MYO5C: variants seen among roughly 807,000 people sequenced by gnomAD.
The protein encoded by MYO5C is unconventional myosin-Vc.
In MYO5C, 194 loss-of-function variants were observed where a neutral mutation model predicts 235.7. The ratio of observed to expected loss-of-function variants is 0.82; its 90% CI spans 0.73 to 0.93. The LOEUF is 0.93. Ranked by LOEUF, MYO5C falls within the 40% of genes least tolerant of loss-of-function variation. The probability of loss-of-function intolerance (pLI) is 0.00; values close to 1 mark genes in which losing one functional copy is unlikely to be tolerated. For synonymous variants in MYO5C, 707 were observed against 754.8 expected (o/e 0.94, Z 1.04); for missense variants, 2,038 against 2,127.2 (o/e 0.96, Z 0.82).
intron 35 of MYO5C, among the ~76,000 whole-genome samples, chr15:52,209,257 G>A (rs2035390374): frequency 1.3e-5 from 2 of 152,116 alleles, no homozygotes; most frequent in African/African-American, 4.8e-5. Flanking sequence ...TCAAGGAGAT[G>A]GTGCTAATGC....
chr15:52,279,611 C>T lies in MYO5C; in HGVS notation c.202G>A (p.Gly68Ser), dbSNP rs971747708. 29 of 1,613,788 alleles carry T rather than the reference C, an allele frequency of 1.8e-5. No homozygotes were observed. The highest frequency in any genetic ancestry group is 2.5e-5 in the Non-Finnish European group (29 of 1,179,820). The change falls in exon 3 of 41, where the codon GGC (glycine) becomes AGC (serine). Residue 68 changes from glycine to serine, a missense_variant. By Grantham distance (56) the Gly-to-Ser change is moderately conservative. Transcript: ENST00000261839. Reference protein sequence around the residue: ...PPLRNPDILVGENDLTALSYL... With the variant: ...PPLRNPDILVSENDLTALSYL... ...CTGAGAGCCGTGAGGTCATTCTCGC[C>T]CACGAGGATGTCAGGATTCCGAAGT...
At chr15:52,232,232 A>AG (rs67799764) in intron 24 of MYO5C, among the ~76,000 whole-genome samples, 7,676 of 17,242 alleles carry the variant, frequency 0.45, 2,508 homozygotes, top group Non-Finnish European at 0.7. Context: ...GAAAGAAAGA[A>AG]GAAAGAAAGA....
At chr15:52,196,576 C>A in intron 38 of MYO5C, 93 bp from the exon 39 acceptor site, 1 of 1,197,078 alleles carries the variant, frequency 8.4e-7, no homozygotes, top group South Asian at 1.5e-5. Context: ...TCGCTGAGAT[C>A]CTTAAGACCA....
chr15:52,260,896 G>T lies in MYO5C; in HGVS notation c.1279C>A (p.Gln427Lys). ...INQALQFSGK[Q>K]HTFIGVLDIY... ...TCCAAAACACCAATAAAAGTGTGCT[G>T]CTTGCCTGAAAACTGCAACGCTTGG... The change falls in exon 10 of 41, where the codon CAG becomes AAG. Residue 427 changes from glutamine (Q) to lysine (K), a missense_variant. Transcript: ENST00000261839. The T allele has an allele frequency of 6.2e-7, 1 of 1,614,206 alleles. No homozygotes were observed. The highest frequency in any genetic ancestry group is 1.6e-4 in the Middle Eastern group (1 of 6,062).
At chr15:52,263,460 G>A (rs1467474278) in intron 9 of MYO5C, among the ~76,000 whole-genome samples, 1 of 152,124 alleles carries the variant, frequency 6.6e-6, no homozygotes, top group Non-Finnish European at 1.5e-5. Flanking sequence ...TCTGATTCAA[G>A]CAGGTGTAAG....
chr15:52,211,772 G>A lies in MYO5C; in HGVS notation c.4254C>T (p.Ser1418=). 2 of 1,614,148 alleles carry A rather than the reference G, an allele frequency of 1.2e-6. No homozygotes were observed. Among genetic ancestry groups the A allele is most frequent in the East Asian group, 4.5e-5 (2 of 44,890 alleles). ...TGCCATTAATGGTGCTGTTCATGAG[G>A]GACTTCAGCATGTTGGCATCATTCA... ...DSLNDANMLK[S]LMNSTINGIK... Residue 1418 remains serine, a synonymous_variant, in exon 35 of 41, where the codon TCC becomes TCT. Coordinates refer to ENST00000261839, the MANE Select transcript of MYO5C (RefSeq NM_018728.4).
chr15:52,233,488 T>C (rs1022635046), intron 23 of MYO5C, among the ~76,000 whole-genome samples: 1 of 152,148 alleles, frequency 6.6e-6, no homozygotes, highest in Non-Finnish European at 1.5e-5. Context: ...TAGAAGCCAG[T>C]AGCACCTCTG....
chr15:52,194,117 T>G, intron 40 of MYO5C, 63 bp from the exon 41 acceptor site: 1 of 1,535,174 alleles, frequency 6.5e-7, no homozygotes, highest in African/African-American at 1.4e-5. Context: ...TACTGCTACC[T>G]GAAAGTCAAG....
chr15:52,222,819 C>T (rs2035725020), intron 29 of MYO5C, among the ~76,000 whole-genome samples: 1 of 152,228 alleles, frequency 6.6e-6, no homozygotes, highest in Non-Finnish European at 1.5e-5. Flanking sequence ...AAGAATGAGA[C>T]AAATGCAGTG....
intron 23 of MYO5C, 88 bp downstream of exon 23, chr15:52,235,582 C>T: frequency 5.1e-6 from 5 of 986,470 alleles, no homozygotes; most frequent in Non-Finnish European, 7.5e-6. Context: ...ACACCAGAGA[C>T]CCCTGGTTCT....
At chr15:52,286,268 T>TG (rs1239176449) in intron 1 of MYO5C, among the ~76,000 whole-genome samples, 2 of 118,928 alleles carry the variant, frequency 1.7e-5, no homozygotes, top group Non-Finnish European at 3.6e-5. Flanking sequence ...GGGAGGGAGG[T>TG]GGGGGTCAGC....
chr15:52,245,393 T>G lies in MYO5C; in HGVS notation c.2139A>C (p.Lys713Asn), dbSNP rs2036314664. The G allele has an allele frequency of 6.2e-7, 1 of 1,614,168 alleles. No homozygotes were observed. The highest frequency in any genetic ancestry group is 8.5e-7 in the Non-Finnish European group (1 of 1,180,016). ...GTAAAACCACCTTGCACACCTCCTT[T>G]TTATCGCTGAAGGAAAGCTCTTGCT... ...MTKQELSFSD[K>N]KEVCKVVLHR... is the part of the protein sequence containing the mutation. The change falls in exon 18 of 41, where the codon AAA becomes AAC. Residue 713 changes from lysine to asparagine, a missense_variant. Transcript: ENST00000261839.
chr15:52,250,417 A>AT (rs2036446489), intron 13 of MYO5C, among the ~76,000 whole-genome samples: 1 of 150,928 alleles, frequency 6.6e-6, no homozygotes, highest in Non-Finnish European at 1.5e-5. Context: ...TTATTTTTGT[A>AT]TTTTTTAGTA....
chr15:52,295,458 C>T (rs2037481116), intron 1 of MYO5C, 152 bp downstream of exon 1: 3 of 846,606 alleles, frequency 3.5e-6, no homozygotes, highest in Admixed American at 8.7e-5. Context: ...GTGGCCCCTC[C>T]GCGGCGCCTC....
At chr15:52,211,673 C>A in intron 35 of MYO5C, 57 bp downstream of exon 35, 1 of 1,554,248 alleles carries the variant, frequency 6.4e-7, no homozygotes, top group South Asian at 1.2e-5. Flanking sequence ...AAAGACTGGG[C>A]ATCTGGTCAT....
chr15:52,251,315 T>G (rs2036467792), intron 13 of MYO5C, 75 bp downstream of exon 13: 2 of 1,406,054 alleles, frequency 1.4e-6, no homozygotes, highest in South Asian at 3.2e-5. Flanking sequence ...TCAGAAACAT[T>G]CCTGGCCTGC....
At chr15:52,233,262 G>C (rs1316811548) in intron 23 of MYO5C, among the ~76,000 whole-genome samples, 1 of 10,422 alleles carries the variant, frequency 9.6e-5, no homozygotes, top group African/African-American at 1.4e-4. Flanking sequence ...CTGGGCGACA[G>C]AGCGAGACTC....
chr15:52,233,442 G>A (rs2036013108), intron 23 of MYO5C, among the ~76,000 whole-genome samples: 1 of 152,192 alleles, frequency 6.6e-6, no homozygotes, highest in South Asian at 2.1e-4. Flanking sequence ...CCCACGCATT[G>A]CAGGATTCTG....
chr15:52,236,062 G>A (rs767515590), intron 22 of MYO5C, among the ~76,000 whole-genome samples: 9 of 152,178 alleles, frequency 5.9e-5, no homozygotes, highest in South Asian at 2.1e-4. Context: ...TCCTTTTGTC[G>A]AGCTTCTCAA....
Sources: gnomAD v4.1 joint callset for allele counts (sites outside exome capture counted in the v4.1 genomes callset) on GRCh38, gnomAD v4.1.1 for gene constraint, MANE v1.5 for transcripts, NCBI Gene and HGNC (gene_info 2026-07-23, HGNC 2026-07-21) for gene names.